PARG: variants seen among roughly 807,000 people sequenced by gnomAD.
PARG encodes the protein mitochondrial poly(ADP-ribose) glycohydrolase.
Under a neutral mutation model 113.0 loss-of-function variants are expected in PARG, and 35 were observed. That is an observed-to-expected ratio of 0.31 (90% CI 0.24 to 0.41). The LOEUF (loss-of-function observed/expected upper bound fraction) is 0.41. Ranked by LOEUF, PARG falls within the 10% of genes least tolerant of loss-of-function variation. The pLI, the probability that PARG is intolerant of heterozygous loss-of-function variation, is 1.00. For synonymous variants in PARG, 330 were observed against 409.9 expected (o/e 0.81, Z 2.36); for missense variants, 797 against 1,169.4 (o/e 0.68, Z 4.64).
intron 15 of PARG, among the ~76,000 whole-genome samples, chr10:49,836,669 T>C (rs1262699368): frequency 6.6e-6 from 1 of 152,198 alleles, no homozygotes; most frequent in Non-Finnish European, 1.5e-5. Context: ...ACATATTTTA[T>C]GAAAAGACTG....
At chr10:49,920,690 C>T (rs1286622840) in intron 6 of PARG, among the ~76,000 whole-genome samples, 6 of 150,400 alleles carry the variant, frequency 4.0e-5, no homozygotes, top group Non-Finnish European at 8.9e-5. Flanking sequence ...TGTTTGCATA[C>T]ACATAATTAA....
chr10:49,866,331 A>G (rs1846513289), intron 10 of PARG, among the ~76,000 whole-genome samples: 1 of 151,984 alleles, frequency 6.6e-6, no homozygotes, highest in African/African-American at 2.4e-5. Flanking sequence ...AAGCCTGGCC[A>G]TCATTTCATT....
chr10:49,920,465 T>A (rs55745951), intron 6 of PARG, among the ~76,000 whole-genome samples: 3,750 of 56,502 alleles, frequency 0.066, 262 homozygotes, highest in African/African-American at 0.14. Context: ...AAAAAAAAAA[T>A]ATATATATAT....
chr10:49,831,083 A>T (rs951105921), intron 16 of PARG, among the ~76,000 whole-genome samples: 1 of 152,176 alleles, frequency 6.6e-6, no homozygotes, highest in Non-Finnish European at 1.5e-5. Context: ...AGACTTTCTA[A>T]AAGGAGGAGG....
rs782763251 is a variant in PARG, at chr10:49,843,616, A to G, written c.2370T>C (p.Ser790=). 3.2e-6 allele frequency: 5 copies of G among 1,549,830 alleles called. No individual in the cohort carries two copies. The African/African-American group carries it at 6.8e-5, about 21-fold the overall frequency. ...CLIITGTEQY[S]EYTGYAETYR... is the part of the protein sequence containing the mutation. Reference sequence around the variant, plus strand: ...ATGTCTCAGCATAGCCTGTGTATTCACTGTACTGCTCAGTACCTGAAACAA... The same window carrying G: ...ATGTCTCAGCATAGCCTGTGTATTCGCTGTACTGCTCAGTACCTGAAACAA... Residue 790 remains serine, a synonymous_variant, in exon 14 of 18, where the codon AGT becomes AGC. Coordinates refer to ENST00000616448, the MANE Select transcript of PARG (RefSeq NM_003631.5).
At chr10:49,825,943 T>C (rs1844336214) in intron 16 of PARG, among the ~76,000 whole-genome samples, 1 of 152,146 alleles carries the variant, frequency 6.6e-6, no homozygotes, top group African/African-American at 2.4e-5. Context: ...ACCAGATTGG[T>C]TTTGGATTTC....
chr10:49,915,889 T>A (rs1554847460), intron 7 of PARG, 28 bp downstream of exon 7: 1 of 1,219,452 alleles, frequency 8.2e-7, no homozygotes, highest in East Asian at 2.5e-5. Flanking sequence ...TCAATAATAT[T>A]TTCATAAAGA....
At chr10:49,843,049 A>G (rs1314369775) in intron 14 of PARG, among the ~76,000 whole-genome samples, 1 of 152,236 alleles carries the variant, frequency 6.6e-6, no homozygotes, top group African/African-American at 2.4e-5. Context: ...TAAGAATGTC[A>G]AAGTAGAAGA....
intron 2 of PARG, 100 bp downstream of exon 2, chr10:49,934,976 G>A (rs1838678744): frequency 1.6e-6 from 1 of 643,950 alleles, no homozygotes; most frequent in African/African-American, 1.9e-5. Context: ...ATAGATAAAG[G>A]AGAACAGAAA....
rs1352117046 is a variant in PARG at position 49,935,925 on chromosome 10, G to C, written c.218-783C>G. ...GAAAGACATGATTCCTCTCATCTAG[G>C]AGGCTCACAGTCATGCATGACAGCC... is the stretch of plus-strand genomic sequence containing the variant. On this transcript the variant is annotated intron_variant, in intron 1 of 17. Coordinates refer to ENST00000616448, the MANE Select transcript of PARG (RefSeq NM_003631.5). 2.0e-4 allele frequency among the ~76,000 whole-genome samples: 31 copies of C among 152,252 alleles called. 1 individual carries two copies. Among genetic ancestry groups the C allele is most frequent in the Admixed American group, 7.2e-4 (11 of 15,292 alleles).
chr10:49,829,240 T>G (rs925645997), intron 16 of PARG, among the ~76,000 whole-genome samples: 1 of 144,356 alleles, frequency 6.9e-6, no homozygotes, highest in Non-Finnish European at 1.5e-5. Context: ...CGTCTCAAAA[T>G]AAAAAAAAAA....
chr10:49,833,470 T>C (rs1844769244), intron 15 of PARG, among the ~76,000 whole-genome samples: 1 of 152,232 alleles, frequency 6.6e-6, no homozygotes, highest in African/African-American at 2.4e-5. Context: ...GGGATTCCTA[T>C]ACCTGGTTAT....
At chr10:49,915,135 CTT>C (rs1837399174) in intron 7 of PARG, among the ~76,000 whole-genome samples, 1 of 150,608 alleles carries the variant, frequency 6.6e-6, no homozygotes, top group Admixed American at 6.6e-5. Context: ...GATAAACTGA[CTT>C]TGTCAAAATT....
chr10:49,914,745 A>C (rs1554847154), intron 7 of PARG, among the ~76,000 whole-genome samples: 1 of 152,218 alleles, frequency 6.6e-6, no homozygotes, highest in Non-Finnish European at 1.5e-5. Flanking sequence ...ACAAGGATAG[A>C]CATATAGATC....
chr10:49,885,150 G>C, intron 8 of PARG, 53 bp downstream of exon 8: 1 of 965,556 alleles, frequency 1.0e-6, no homozygotes, highest in Admixed American at 1.7e-5. Context: ...GAGTTTAAGG[G>C]AAATTCAATT....
intron 7 of PARG, among the ~76,000 whole-genome samples, chr10:49,905,189 C>T (rs1215734799): frequency 4.1e-4 from 63 of 152,410 alleles, no homozygotes; most frequent in Non-Finnish European, 8.1e-4. Flanking sequence ...AAGAATTTAC[C>T]TTTTAGATGT....
chr10:49,828,092 C>CAAAAAAAAAAAAAAAAAAAA lies in PARG; in HGVS notation c.2647+4691_2647+4710dup, dbSNP rs71026274. On this transcript the variant is annotated intron_variant, in intron 16 of 17. Transcript: ENST00000616448. ...TGAGACGAGATGTAGAAAGCTTAAA[C>CAAAAAAAAAAAAAAAAAAAA]AAAAAAAAAAAAAAAAAAAAAAAAA... is the stretch of plus-strand genomic sequence containing the variant. Among the ~76,000 whole-genome samples the CAAAAAAAAAAAAAAAAAAAA allele has an allele frequency of 9.9e-5, 5 of 50,412 alleles. 1 individual carries two copies. Among genetic ancestry groups the CAAAAAAAAAAAAAAAAAAAA allele is most frequent in the Non-Finnish European group, 1.0e-4 (3 of 28,592 alleles). 33.1% of individuals were successfully genotyped at this position (50,412 alleles called of 152,430 possible).
In PARG at chr10:49,933,692, T is replaced by A. The variant is rs1838604373; in HGVS notation, c.756A>T (p.Gln252His). The change falls in exon 3 of 18, where the codon CAA (glutamine) becomes CAT (histidine). Residue 252 changes from glutamine (Q) to histidine (H), a missense_variant. Coordinates refer to ENST00000616448, the MANE Select transcript of PARG (RefSeq NM_003631.5). ...DPGEDCASCQQDEIDVVPESP... is the reference protein window; with the variant it reads ...DPGEDCASCQHDEIDVVPESP... ...TCTCTGGCACCACATCTATCTCATC[T>A]TGCTGACAACTTGCACAGTCTTCCC... 4 of 1,611,628 alleles carry A rather than the reference T, an allele frequency of 2.5e-6. No homozygotes were observed. The highest frequency in any genetic ancestry group is 3.4e-6 in the Non-Finnish European group (4 of 1,177,852).
At chr10:49,919,794 T>C (rs1442895939) in intron 6 of PARG, among the ~76,000 whole-genome samples, 1 of 152,178 alleles carries the variant, frequency 6.6e-6, no homozygotes, top group Non-Finnish European at 1.5e-5. Context: ...GGCATGAGAA[T>C]CGCTTGAGCC....
Sources: allele counts gnomAD v4.1 joint callset (sites outside exome capture counted in the v4.1 genomes callset), GRCh38; gene constraint gnomAD v4.1.1; transcripts MANE v1.5; gene names NCBI Gene and HGNC (gene_info 2026-07-23, HGNC 2026-07-21).